The following KCNIP4 variants were observed in gnomAD, a reference collection of about 807,000 sequenced individuals.
KCNIP4 encodes the protein Kv channel-interacting protein 4.
Under a neutral mutation model 34.0 loss-of-function variants are expected in KCNIP4, and 12 were observed. The observed-to-expected ratio is 0.35, with a 90% CI of 0.23 to 0.57. KCNIP4 has a LOEUF of 0.57. Among genes scored for constraint, KCNIP4 ranks in the 20% least tolerant of loss-of-function variants. KCNIP4 has a pLI of 0.83. For missense variants in KCNIP4, 238 were observed against 311.7 expected (o/e 0.76, Z 1.78); for synonymous variants, 124 against 102.2 (o/e 1.21, Z -1.29).
At chr4:20,977,170 C>T (rs1231618938) in intron 1 of KCNIP4, among the ~76,000 whole-genome samples, 1 of 152,140 alleles carries the variant, frequency 6.6e-6, no homozygotes, top group African/African-American at 2.4e-5. Context: ...TCAAATACCT[C>T]CTATCCCAGC....
At chr4:21,165,857 G>A (rs1468394188) in intron 1 of KCNIP4, among the ~76,000 whole-genome samples, 1 of 152,168 alleles carries the variant, frequency 6.6e-6, no homozygotes, top group Non-Finnish European at 1.5e-5. Flanking sequence ...CGGCCTTTAA[G>A]AGATGACTTG....
intron 1 of KCNIP4, among the ~76,000 whole-genome samples, chr4:20,897,636 A>C (rs1726700116): frequency 6.6e-6 from 1 of 152,106 alleles, no homozygotes. Flanking sequence ...CCCTGATCCA[A>C]TATGATTGGT....
intron 3 of KCNIP4, among the ~76,000 whole-genome samples, chr4:20,840,727 CA>C (rs1437161246): frequency 1.3e-5 from 2 of 152,140 alleles, no homozygotes; most frequent in African/African-American, 2.4e-5. Context: ...GAGAAACAAA[CA>C]TTTTTTTGTC....
intron 3 of KCNIP4, among the ~76,000 whole-genome samples, chr4:20,829,846 G>A (rs1718207229): frequency 6.6e-6 from 1 of 152,052 alleles, no homozygotes; most frequent in Admixed American, 6.6e-5. Flanking sequence ...GTCTCACGGA[G>A]ATAAGTATGA....
chr4:20,739,500 G>T (rs187690825), intron 5 of KCNIP4, among the ~76,000 whole-genome samples: 73 of 152,284 alleles, frequency 4.8e-4, no homozygotes, highest in African/African-American at 1.7e-3. Flanking sequence ...GCAGCTGAGG[G>T]TCCTGACTGT....
chr4:21,768,643 C>A (rs1718577964), intron 1 of KCNIP4, among the ~76,000 whole-genome samples: 1 of 152,108 alleles, frequency 6.6e-6, no homozygotes, highest in South Asian at 2.1e-4. Context: ...GTTGGTGTTA[C>A]ACTCTCAGAT....
intron 1 of KCNIP4, among the ~76,000 whole-genome samples, chr4:21,469,240 C>T (rs1730256813): frequency 1.3e-5 from 2 of 151,842 alleles, no homozygotes; most frequent in South Asian, 4.2e-4. Flanking sequence ...ATTTTCTTCC[C>T]CCACCATATT....
intron 1 of KCNIP4, among the ~76,000 whole-genome samples, chr4:21,192,843 C>T (rs115359417): frequency 0.013 from 2,038 of 151,106 alleles, 51 homozygotes; most frequent in African/African-American, 0.047. Context: ...ACTGCTTGAA[C>T]CCAGGGGTTT....
intron 1 of KCNIP4, among the ~76,000 whole-genome samples, chr4:21,025,473 T>TGAGAGAGAGAGAGAGA (rs33926876): frequency 3.2e-5 from 3 of 95,128 alleles, no homozygotes; most frequent in African/African-American, 1.3e-4. Context: ...TGAAAACAAC[T>TGAGAGAGAGAGAGAGA]GAGAGAGAGA....
chr4:21,480,186 G>A (rs1404693286), intron 1 of KCNIP4, among the ~76,000 whole-genome samples: 9 of 151,780 alleles, frequency 5.9e-5, no homozygotes, highest in Admixed American at 1.3e-4. Context: ...AAATAAAATT[G>A]TTTTATGATA....
chr4:20,772,664 C>G (rs1336038575), intron 3 of KCNIP4, among the ~76,000 whole-genome samples: 1 of 150,432 alleles, frequency 6.6e-6, no homozygotes, highest in African/African-American at 2.4e-5. Context: ...TTTTTTCTTC[C>G]GAGTTTCGCT....
intron 1 of KCNIP4, among the ~76,000 whole-genome samples, chr4:21,170,376 G>A (rs1249564652): frequency 6.6e-6 from 1 of 152,074 alleles, no homozygotes; most frequent in Non-Finnish European, 1.5e-5. Context: ...TGTTTTCTTG[G>A]TTAGCCATTT....
chr4:21,563,229 AAAATGATTCAAACAC>A (rs1337303853), intron 1 of KCNIP4, among the ~76,000 whole-genome samples: 15 of 152,102 alleles, frequency 9.9e-5, no homozygotes, highest in African/African-American at 3.6e-4. Flanking sequence ...GATATGTTAA[AAAATGATTCAAACAC>A]AAATGGTTTC....
chr4:21,856,907 C>T (rs1724797113), intron 1 of KCNIP4, among the ~76,000 whole-genome samples: 1 of 152,166 alleles, frequency 6.6e-6, no homozygotes, highest in Non-Finnish European at 1.5e-5. Flanking sequence ...CCCCCTGCTG[C>T]CTTGGACTCC....
chr4:20,838,310 T>C (rs1719313976), intron 3 of KCNIP4, among the ~76,000 whole-genome samples: 2 of 152,334 alleles, frequency 1.3e-5, no homozygotes, highest in South Asian at 2.1e-4. Context: ...CAGTTCACAC[T>C]GCTCCCAGAC....
intron 3 of KCNIP4, among the ~76,000 whole-genome samples, chr4:20,805,371 C>G (rs1218626556): frequency 1.3e-5 from 2 of 151,802 alleles, no homozygotes; most frequent in Non-Finnish European, 2.9e-5. Context: ...CCCTTTAATA[C>G]TCTTCTTCTA....
At chr4:21,325,317 G>T (rs1714925740) in intron 1 of KCNIP4, among the ~76,000 whole-genome samples, 1 of 151,578 alleles carries the variant, frequency 6.6e-6, no homozygotes, top group South Asian at 2.1e-4. Context: ...TTTCTTTGTG[G>T]TTCAATCTAG....
intron 1 of KCNIP4, among the ~76,000 whole-genome samples, chr4:20,927,153 A>G (rs929115611): frequency 2.0e-5 from 3 of 151,928 alleles, no homozygotes; most frequent in Non-Finnish European, 4.4e-5. Context: ...TAATTTTTGT[A>G]TTTTTAGTAG....
At chr4:21,933,568 T>A (rs1025964535) in intron 1 of KCNIP4, among the ~76,000 whole-genome samples, 4 of 152,124 alleles carry the variant, frequency 2.6e-5, no homozygotes, top group Non-Finnish European at 4.4e-5. Context: ...ATACTCAGAA[T>A]GTATTTTTCA....
Sources: gnomAD v4.1 joint callset for allele counts (sites outside exome capture counted in the v4.1 genomes callset) on GRCh38, gnomAD v4.1.1 for gene constraint, MANE v1.5 for transcripts, NCBI Gene and HGNC (gene_info 2026-07-23, HGNC 2026-07-21) for gene names.